BMP2K: variants seen among roughly 807,000 people sequenced by gnomAD.
BMP2K encodes the protein BMP2 inducible kinase.
In BMP2K, 74 loss-of-function variants were observed where a neutral mutation model predicts 116.0. That is an observed-to-expected ratio of 0.64 (90% CI 0.53 to 0.77). The LOEUF (loss-of-function observed/expected upper bound fraction) is 0.77, where lower values mean the gene tolerates loss of function less well. BMP2K is among the 30% of genes least tolerant of loss of function. The pLI, the probability that BMP2K is intolerant of heterozygous loss-of-function variation, is 0.00. For missense variants in BMP2K, 1,365 were observed against 1,403.6 expected (o/e 0.97, Z 0.44); for synonymous variants, 486 against 502.5 (o/e 0.97, Z 0.44).
intron 15 of BMP2K, among the ~76,000 whole-genome samples, chr4:78,907,588 A>C (rs557602506): frequency 1.3e-5 from 2 of 152,326 alleles, no homozygotes; most frequent in East Asian, 3.9e-4. Context: ...CAGGCATTAC[A>C]TGTAAATAAA....
chr4:78,824,050 T>C (rs1729759331), intron 1 of BMP2K, among the ~76,000 whole-genome samples: 1 of 152,218 alleles, frequency 6.6e-6, no homozygotes, highest in African/African-American at 2.4e-5. Context: ...ATGCCCTGCA[T>C]TGTTAGAGAT....
At position 78,782,757 on chromosome 4, in the gene BMP2K, A is replaced by G. The variant is rs528868117; in HGVS notation, c.178+6036A>G. Among the ~76,000 whole-genome samples the G allele has an allele frequency of 5.3e-5, 8 of 152,354 alleles. No homozygotes were observed. In the South Asian group the frequency reaches 1.0e-3, roughly 20 times the overall value. On this transcript the variant is annotated intron_variant, in intron 1 of 15. Coordinates refer to ENST00000502613, the MANE Select transcript of BMP2K (RefSeq NM_198892.2). ...TTTTTAAAAAAGTATGTTACATGCA[A>G]TTGTGAAATTGTTTTACATTTTGTG...
At position 78,776,579 on chromosome 4, in the gene BMP2K, C is replaced by T. The variant is rs1727248459; in HGVS notation, c.36C>T (p.Gly12=). The T allele has an allele frequency of 8.7e-7, 1 of 1,149,206 alleles. No individual in the cohort carries two copies. Among genetic ancestry groups the T allele is most frequent in the Non-Finnish European group, 1.1e-6 (1 of 931,188 alleles). The allele number at this position is 1,149,206 out of a possible 1,614,324, so 71.2% of individuals were successfully genotyped here. Residue 12 remains glycine (G), a synonymous_variant, in exon 1 of 16, where the codon GGC becomes GGT. Transcript: ENST00000502613. ...KKFSRMPKSE[G]GSGGGAAGGG... ...TCTCTCGGATGCCCAAGTCGGAGGG[C>T]GGCAGCGGCGGCGGAGCGGCGGGTG...
intron 2 of BMP2K, among the ~76,000 whole-genome samples, chr4:78,827,182 C>A (rs558992536): frequency 6.6e-6 from 1 of 152,082 alleles, no homozygotes; most frequent in African/African-American, 2.4e-5. Flanking sequence ...ACATTGTGTT[C>A]CTTGGTCTGA....
At chr4:78,851,464 G>A (rs1412357872) in intron 7 of BMP2K, among the ~76,000 whole-genome samples, 1 of 151,998 alleles carries the variant, frequency 6.6e-6, no homozygotes, top group African/African-American at 2.4e-5. Context: ...TGAGGAGCGG[G>A]GAGGACCATC....
chr4:78,812,730 G>T (rs1289805715), intron 1 of BMP2K, among the ~76,000 whole-genome samples: 1 of 152,156 alleles, frequency 6.6e-6, no homozygotes, highest in Non-Finnish European at 1.5e-5. Context: ...ATAGCAAAGT[G>T]CTGTTAATCT....
chr4:78,780,011 A>G (rs538489212), intron 1 of BMP2K, among the ~76,000 whole-genome samples: 107 of 152,302 alleles, frequency 7.0e-4, no homozygotes, highest in Non-Finnish European at 1.3e-3. Context: ...TTTTAGCTTC[A>G]AACAGTGACA....
rs563020919 is a variant in BMP2K, at chr4:78,794,710, G to T, written c.178+17989G>T. 1.0e-3 allele frequency among the ~76,000 whole-genome samples: 154 copies of T among 152,216 alleles called. 1 individual carries two copies. Among genetic ancestry groups the T allele is most frequent in the Admixed American group, 1.8e-3 (27 of 15,288 alleles). Reference sequence around the variant, plus strand: ...CCTGAGTGGCTGGGACCACAGGCATGTGCCACTGCACCTGGCTAATTTTTA... The same window carrying T: ...CCTGAGTGGCTGGGACCACAGGCATTTGCCACTGCACCTGGCTAATTTTTA... On this transcript the variant is annotated intron_variant, in intron 1 of 15. Transcript: ENST00000502613.
At chr4:78,868,750 T>C (rs1214249961) in intron 10 of BMP2K, among the ~76,000 whole-genome samples, 25 of 151,934 alleles carry the variant, frequency 1.6e-4, no homozygotes, top group Admixed American at 1.6e-3. Context: ...AGTGGGGTGG[T>C]CCAATTTAAA....
intron 1 of BMP2K, among the ~76,000 whole-genome samples, chr4:78,781,328 G>A (rs1206704382): frequency 2.6e-5 from 4 of 152,134 alleles, no homozygotes; most frequent in Non-Finnish European, 5.9e-5. Flanking sequence ...ATGCTTAAAT[G>A]GGAAGACCTT....
At chr4:78,781,366 T>C (rs1317574954) in intron 1 of BMP2K, among the ~76,000 whole-genome samples, 1 of 152,136 alleles carries the variant, frequency 6.6e-6, no homozygotes, top group African/African-American at 2.4e-5. Flanking sequence ...TGTTAGGAAT[T>C]ACTTGCTTAT....
intron 14 of BMP2K, among the ~76,000 whole-genome samples, chr4:78,882,407 TAAGC>T (rs1366017646): frequency 1.3e-5 from 2 of 151,716 alleles, no homozygotes; most frequent in African/African-American, 4.8e-5. Context: ...AAATCAAATT[TAAGC>T]AATAATAATA....
intron 1 of BMP2K, among the ~76,000 whole-genome samples, chr4:78,820,464 G>A (rs1226196686): frequency 6.6e-6 from 1 of 152,072 alleles, no homozygotes; most frequent in African/African-American, 2.4e-5. Context: ...TGTACTTCAA[G>A]TTTGATGTGT....
chr4:78,861,779 A>C (rs929238260), intron 9 of BMP2K, among the ~76,000 whole-genome samples: 5 of 151,976 alleles, frequency 3.3e-5, no homozygotes, highest in Admixed American at 1.3e-4. Context: ...AGTTTAGGAA[A>C]TACTATGTTT....
intron 13 of BMP2K, among the ~76,000 whole-genome samples, chr4:78,877,835 C>A (rs796366965): frequency 6.6e-6 from 1 of 152,214 alleles, no homozygotes; most frequent in African/African-American, 2.4e-5. Flanking sequence ...TATGGTGTTA[C>A]AATGGCTACG....
At chr4:78,801,717 C>T (rs1728575804) in intron 1 of BMP2K, among the ~76,000 whole-genome samples, 1 of 151,922 alleles carries the variant, frequency 6.6e-6, no homozygotes, top group African/African-American at 2.4e-5. Context: ...GTGGTTTATC[C>T]CAGTAAGACT....
intron 15 of BMP2K, chr4:78,899,014 C>T (rs1314951215): frequency 6.6e-6 from 1 of 152,610 alleles, no homozygotes; most frequent in Admixed American, 6.5e-5. Context: ...CGAGGGGGAC[C>T]ACCAGGTTGC....
intron 1 of BMP2K, among the ~76,000 whole-genome samples, chr4:78,794,786 C>T (rs1350431055): frequency 6.6e-6 from 1 of 152,146 alleles, no homozygotes; most frequent in Non-Finnish European, 1.5e-5. Flanking sequence ...TGGTCTTGAA[C>T]CCCTGGGCTC....
intron 8 of BMP2K, among the ~76,000 whole-genome samples, chr4:78,861,083 G>A (rs964372251): frequency 8.6e-5 from 13 of 151,704 alleles, no homozygotes; most frequent in African/African-American, 2.4e-4. Flanking sequence ...ATTGATTTAC[G>A]AGTGTAATAT....
Sources: allele counts gnomAD v4.1 joint callset (sites outside exome capture counted in the v4.1 genomes callset), GRCh38; gene constraint gnomAD v4.1.1; transcripts MANE v1.5; gene names NCBI Gene and HGNC (gene_info 2026-07-23, HGNC 2026-07-21).